Variants in RNF25 observed in about 807,000 individuals in gnomAD.
RNF25 encodes the protein E3 ubiquitin-protein ligase RNF25.
RNF25 carries 32 observed loss-of-function variants against 65.0 expected under a neutral mutation model. That is an observed-to-expected ratio of 0.49 (90% CI 0.37 to 0.66). RNF25 has a LOEUF of 0.66. Among genes scored for constraint, RNF25 ranks in the 30% least tolerant of loss-of-function variants. RNF25 has a pLI of 0.00. For synonymous variants in RNF25, 207 were observed against 221.2 expected, an observed-to-expected ratio of 0.94 and a Z score of 0.57; for missense variants, 493 against 584.8, an observed-to-expected ratio of 0.84 and a Z score of 1.62.
At chr2:218,670,729 A>C (rs1939940026) in intron 1 of RNF25, among the ~76,000 whole-genome samples, 1 of 142,788 alleles carries the variant, frequency 7.0e-6, no homozygotes, top group Non-Finnish European at 1.5e-5. Context: ...AAATTGGGGG[A>C]GTGGGGACTG....
intron 5 of RNF25, among the ~76,000 whole-genome samples, chr2:218,667,403 G>A (rs978333229): frequency 1.0e-4 from 15 of 150,004 alleles, no homozygotes; most frequent in African/African-American, 3.7e-4. Flanking sequence ...CCAGGCTGGA[G>A]TGCAGTGCAT....
In RNF25 at chr2:218,664,852, C is replaced by T. The variant is rs1193937685; in HGVS notation, c.688G>A (p.Glu230Lys). Residue 230 changes from glutamate (E) to lysine (K), a missense_variant, in exon 9 of 10, where the codon GAG becomes AAG. By Grantham distance (56) the Glu-to-Lys change is moderately conservative. Transcript: ENST00000295704. The surrounding 1 kb of genome is among the most constrained non-coding windows in gnomAD (Gnocchi z 5.1). ...CGTTCTTCTTGCTGGCGCAAGCTCT[C>T]TGCACTGGGCTGGTACAGCTCCTGG... is the stretch of plus-strand genomic sequence containing the variant. ...QPMELYQPSA[E>K]SLRQQEERKR... The T allele has an allele frequency of 2.5e-6, 4 of 1,614,134 alleles. No individual in the cohort carries two copies. Among genetic ancestry groups the T allele is most frequent in the Middle Eastern group, 1.6e-4 (1 of 6,084 alleles).
chr2:218,664,294 C>T lies in RNF25; in HGVS notation c.1043G>A (p.Arg348Gln), dbSNP rs776331507. The change falls in exon 10 of 10, where the codon CGA becomes CAA. Residue 348 changes from arginine (R) to glutamine (Q), a missense_variant. Physicochemically the swap from Arg to Gln is conservative, Grantham distance 43. Coordinates refer to ENST00000295704, the MANE Select transcript of RNF25 (RefSeq NM_022453.3). This position sits in a 1 kb window ranked among gnomAD's most constrained non-coding sequence, Gnocchi z 5.1. The stretch of plus-strand genomic sequence containing the variant: ...CTTTGGGTGCCTCCGTTCGGGCTGT[C>T]GCCAGGGACCTCGACTGGGCTTGGG... Reference protein sequence around the residue: ...DPPKPSRGPWRQPERRHPKGG... With the variant: ...DPPKPSRGPWQQPERRHPKGG... The T allele has an allele frequency of 4.3e-6, 7 of 1,610,806 alleles. No homozygotes were observed. Among genetic ancestry groups the T allele is most frequent in the East Asian group, 2.2e-5 (1 of 44,816 alleles).
chr2:218,670,104 C>G (rs1939913050), intron 1 of RNF25, among the ~76,000 whole-genome samples: 2 of 150,436 alleles, frequency 1.3e-5, no homozygotes, highest in Non-Finnish European at 1.5e-5. Context: ...GAGACTGAGG[C>G]AGAAGAATCA....
At chr2:218,668,759 G>A (rs915852904) in intron 1 of RNF25, 80 bp from the exon 2 acceptor site, 3 of 975,466 alleles carry the variant, frequency 3.1e-6, no homozygotes, top group Non-Finnish European at 4.9e-6. Flanking sequence ...GGCAGGCTTT[G>A]TAGAAAAATG....
chr2:218,664,030 G>A lies in RNF25; in HGVS notation c.1307C>T (p.Pro436Leu). The part of the protein sequence containing the change: ...RTPGSSYPRL[P>L]RGQGAYRPGT... ...AGGCCGGTATGCTCCCTGGCCCCGA[G>A]GCAGGCGAGGGTAGGAAGAACCGGG... The change falls in exon 10 of 10, where the codon CCT becomes CTT. Residue 436 changes from proline to leucine, a missense_variant. Around this residue, in one of 3 missense-constraint regions of RNF25, gnomAD observed 351 missense variants for 400.2 expected, o/e 0.88. Coordinates refer to ENST00000295704, the MANE Select transcript of RNF25 (RefSeq NM_022453.3). This position sits in a 1 kb window ranked among gnomAD's most constrained non-coding sequence, Gnocchi z 5.1. 1.1e-5 allele frequency: 16 copies of A among 1,493,798 alleles called. No homozygotes were observed. Among genetic ancestry groups the A allele is most frequent in the Non-Finnish European group, 1.4e-5 (16 of 1,121,480 alleles). 92.5% of individuals were successfully genotyped at this position (1,493,798 alleles called of 1,614,324 possible). A position where few individuals can be genotyped will look rare whatever the true frequency, so the allele number is the denominator to read the frequency against.
rs764046433 is a variant in RNF25, at chr2:218,664,780, G to A, written c.760C>T (p.Leu254Phe). 2.5e-6 allele frequency: 4 copies of A among 1,614,122 alleles called. No individual in the cohort carries two copies. The South Asian group carries it at 4.4e-5, about 18-fold the overall frequency. Residue 254 changes from leucine (L) to phenylalanine (F), a missense_variant, in exon 9 of 10, where the codon CTT (leucine) becomes TTT (phenylalanine). Around this residue, in one of 3 missense-constraint regions of RNF25, gnomAD observed 351 missense variants for 400.2 expected, o/e 0.88. Transcript: ENST00000295704. The surrounding 1 kb of genome is among the most constrained non-coding windows in gnomAD (Gnocchi z 5.1). ...AAGTATCGGTTTCGCTCAGCCTCAAGGTCAATGATTCCCCCCCGCTCCTGC... is the reference window on the plus strand; with the variant it reads ...AAGTATCGGTTTCGCTCAGCCTCAAAGTCAATGATTCCCCCCCGCTCCTGC... ...RQQERGGIID[L>F]EAERNRYFIS...
intron 2 of RNF25, 46 bp from the exon 3 acceptor site, chr2:218,668,387 T>G (rs1471474539): frequency 7.5e-7 from 1 of 1,339,436 alleles, no homozygotes. Context: ...GGGTAGGGGC[T>G]TGGGGGCTGG....
Position 218,668,279 on chromosome 2 carries a change from T to A in RNF25, c.179A>T (p.Gln60Leu). 1 of 1,614,086 alleles carries A rather than the reference T, an allele frequency of 6.2e-7. No homozygotes were observed. ...HPATAEDQDS[Q>L]YVCFTLVLQV... ...AAGCACCAGAGTGAAGCAGACATACTGTGAATCCTGGTCCTCTGCAGTGGC... is the reference window on the plus strand; with the variant it reads ...AAGCACCAGAGTGAAGCAGACATACAGTGAATCCTGGTCCTCTGCAGTGGC... The change falls in exon 3 of 10, where the codon CAG becomes CTG. Residue 60 changes from glutamine to leucine, a missense_variant. Physicochemically the swap from Gln to Leu is moderately radical, Grantham distance 113. This residue lies in a region of RNF25 where 108 missense variants were observed against 166.0 expected (regional missense o/e 0.65). Transcript: ENST00000295704.
chr2:218,665,097 C>T, intron 8 of RNF25, 58 bp downstream of exon 8: 1 of 1,553,746 alleles, frequency 6.4e-7, no homozygotes, highest in Non-Finnish European at 8.9e-7. Flanking sequence ...AGATGCCATT[C>T]CTTACTCTTT....
intron 5 of RNF25, among the ~76,000 whole-genome samples, chr2:218,667,273 T>C (rs868526803): frequency 2.8e-4 from 42 of 152,106 alleles, no homozygotes; most frequent in African/African-American, 9.7e-4. Flanking sequence ...TCTGTGTATA[T>C]TGGAGCTTCA....
At chr2:218,668,029 C>T in intron 4 of RNF25, 48 bp from the exon 5 acceptor site, 2 of 1,612,400 alleles carry the variant, frequency 1.2e-6, no homozygotes, top group Non-Finnish European at 1.7e-6. Flanking sequence ...ATTTCTGTCA[C>T]CGGGCAAAGC....
chr2:218,671,204 CTT>C (rs372942858), intron 1 of RNF25, among the ~76,000 whole-genome samples: 14 of 152,110 alleles, frequency 9.2e-5, no homozygotes, highest in Non-Finnish European at 1.8e-4. Flanking sequence ...AAAAAACAGA[CTT>C]AAGTATATTA....
intron 1 of RNF25, among the ~76,000 whole-genome samples, chr2:218,669,216 T>G (rs550280848): frequency 1.3e-5 from 2 of 152,332 alleles, no homozygotes; most frequent in Non-Finnish European, 2.9e-5. Context: ...AAGGCTGTGT[T>G]GTAATGGAAG....
rs1219063040 is a variant in RNF25, at chr2:218,664,989, TC to T, written c.667-117del. 3.3e-6 allele frequency: 5 copies of T among 1,498,432 alleles called. No homozygotes were observed. Among genetic ancestry groups the T allele is most frequent in the Non-Finnish European group, 4.5e-6 (5 of 1,101,458 alleles). The allele number at this position is 1,498,432 out of a possible 1,614,324, so 92.8% of individuals were successfully genotyped here. A position where few individuals can be genotyped will look rare whatever the true frequency, so the allele number is the denominator to read the frequency against. On this transcript the variant is annotated intron_variant, in intron 8 of 9. Transcript: ENST00000295704. This position sits in a 1 kb window ranked among gnomAD's most constrained non-coding sequence, Gnocchi z 5.1. ...CTGGTTTTGCCCCTCAGGTCTGGGC[TC>T]CCAGAGTCTTAGGCTCCCGCCAGTG...
Position 218,668,302 on chromosome 2 carries a change from G to A in RNF25, c.156C>T (p.Ala52=), listed in dbSNP as rs773258578. 13 of 1,613,800 alleles carry A rather than the reference G, an allele frequency of 8.1e-6. No individual in the cohort carries two copies. Among genetic ancestry groups the A allele is most frequent in the Non-Finnish European group, 1.1e-5 (13 of 1,179,968 alleles). The change falls in exon 3 of 10, where the codon GCC becomes GCT. Residue 52 remains alanine, a synonymous_variant. Coordinates refer to ENST00000295704, the MANE Select transcript of RNF25 (RefSeq NM_022453.3). ...ACTGTGAATCCTGGTCCTCTGCAGT[G>A]GCAGGATGCAAAGTGATGTAGATCT... The part of the protein sequence containing the change: ...PWEIYITLHP[A]TAEDQDSQYV...
At chr2:218,667,281 T>A (rs1939842016) in intron 5 of RNF25, among the ~76,000 whole-genome samples, 1 of 152,114 alleles carries the variant, frequency 6.6e-6, no homozygotes, top group African/African-American at 2.4e-5. Context: ...TATTGGAGCT[T>A]CAGGTGTTGC....
chr2:218,666,303 G>A lies in RNF25; in HGVS notation c.358-73C>T, dbSNP rs1038354774. ...GAGCAAGGCCTGTCTACTACTCCTA[G>A]GAGTGACTGGCTAGACTTGGCTCCT... On this transcript the variant is annotated intron_variant, in intron 5 of 9. Coordinates refer to ENST00000295704, the MANE Select transcript of RNF25 (RefSeq NM_022453.3). 2.4e-6 allele frequency: 3 copies of A among 1,265,988 alleles called. No homozygotes were observed. In the African/African-American group the frequency reaches 4.4e-5, roughly 19 times the overall value. 78.4% of individuals were successfully genotyped at this position (1,265,988 alleles called of 1,614,324 possible). A position where few individuals can be genotyped will look rare whatever the true frequency, so the allele number is the denominator to read the frequency against.
rs1220100118 is a variant in RNF25 at position 218,665,953 on chromosome 2, T to G, written c.536A>C (p.Glu179Ala). 5.6e-6 allele frequency: 9 copies of G among 1,614,152 alleles called. No individual in the cohort carries two copies. The highest frequency in any genetic ancestry group is 7.6e-6 in the Non-Finnish European group (9 of 1,180,028). The stretch of plus-strand genomic sequence containing the variant: ...AGCATGCTGCCGTTCCTGTTCCTGC[T>G]CCTGTCCTTGTGCCTTCAGCTCTTG... The part of the protein sequence containing the change: ...MEQELKAQGQ[E>A]QEQERQHATT... The change falls in exon 7 of 10, where the codon GAG becomes GCG. Residue 179 changes from glutamate to alanine, a missense_variant. This residue lies in a region of RNF25 where 351 missense variants were observed against 400.2 expected (regional missense o/e 0.88). Transcript: ENST00000295704.
Sources: gnomAD v4.1 joint callset for allele counts (sites outside exome capture counted in the v4.1 genomes callset) on GRCh38, gnomAD v4.1.1 for gene constraint, gnomAD v4.1.1 regional missense constraint, Gnocchi (gnomAD v3.1) non-coding constraint, MANE v1.5 for transcripts, NCBI Gene and HGNC (gene_info 2026-07-23, HGNC 2026-07-21) for gene names.